The following AKAP6 variants were observed in gnomAD, a reference collection of about 807,000 sequenced individuals.
The protein encoded by AKAP6 is A-kinase anchoring protein 6, also known as A-kinase anchor protein 6.
Under a neutral mutation model 188.5 loss-of-function variants are expected in AKAP6, and 58 were observed. The observed-to-expected ratio is 0.31, with a 90% confidence interval of 0.25 to 0.38. The LOEUF is 0.38. AKAP6 is among the 10% of genes least tolerant of loss of function. The probability of loss-of-function intolerance (pLI) is 1.00; values close to 1 mark genes in which losing one functional copy is unlikely to be tolerated. For synonymous variants in AKAP6, 989 were observed against 998.6 expected, an observed-to-expected ratio of 0.99 and a Z score of 0.18; for missense variants, 2,710 against 2,740.0, an observed-to-expected ratio of 0.99 and a Z score of 0.24.
intron 1 of AKAP6, among the ~76,000 whole-genome samples, chr14:32,425,287 A>G (rs1242336507): frequency 2.0e-5 from 3 of 152,038 alleles, no homozygotes; most frequent in Admixed American, 6.6e-5. Context: ...CCACATGTAT[A>G]CCTTCTTTTG....
chr14:32,598,059 C>T (rs1885777639), intron 5 of AKAP6, among the ~76,000 whole-genome samples: 1 of 152,176 alleles, frequency 6.6e-6, no homozygotes, highest in African/African-American at 2.4e-5. Context: ...TATTGCCCAG[C>T]ACAGTGTATA....
chr14:32,525,976 T>C (rs1046856021), intron 2 of AKAP6, among the ~76,000 whole-genome samples: 1 of 152,256 alleles, frequency 6.6e-6, no homozygotes, highest in African/African-American at 2.4e-5. Context: ...CTACTGTTTA[T>C]AGAGTTCTTC....
intron 2 of AKAP6, among the ~76,000 whole-genome samples, chr14:32,517,115 T>C (rs1881564410): frequency 6.6e-6 from 1 of 152,206 alleles, no homozygotes; most frequent in South Asian, 2.1e-4. Flanking sequence ...GACCAGTTGG[T>C]TACCTTCTGA....
intron 1 of AKAP6, among the ~76,000 whole-genome samples, chr14:32,360,068 A>G (rs549465943): frequency 1.3e-5 from 2 of 152,240 alleles, no homozygotes; most frequent in South Asian, 4.1e-4. Context: ...TAAAAGCACC[A>G]TAGTCATTAG....
chr14:32,633,833 A>G (rs1373706172), intron 7 of AKAP6, among the ~76,000 whole-genome samples: 2 of 152,056 alleles, frequency 1.3e-5, no homozygotes, highest in East Asian at 3.9e-4. Context: ...TGTTTCCCCA[A>G]CCTCAGCAAA....
chr14:32,503,882 C>G lies in AKAP6; in HGVS notation c.325-31672C>G, dbSNP rs569719053. 2.5e-4 allele frequency among the ~76,000 whole-genome samples: 38 copies of G among 152,006 alleles called. 1 individual carries two copies. In the South Asian group the frequency reaches 7.5e-3, roughly 30 times the overall value. Reference sequence around the variant, plus strand: ...TGTCCATTTTTTTGTTAGAATCCAACTCTTTCCCATCCTACCTTTCAACCC... The same window carrying G: ...TGTCCATTTTTTTGTTAGAATCCAAGTCTTTCCCATCCTACCTTTCAACCC... On this transcript the variant is annotated intron_variant, in intron 2 of 13. Coordinates refer to ENST00000280979, the MANE Select transcript of AKAP6 (RefSeq NM_004274.5).
At chr14:32,410,054 T>C (rs1889431069) in intron 1 of AKAP6, among the ~76,000 whole-genome samples, 1 of 152,132 alleles carries the variant, frequency 6.6e-6, no homozygotes, top group African/African-American at 2.4e-5. Context: ...AAAATGTTTT[T>C]ACCCCAAATA....
Position 32,678,203 on chromosome 14 carries a change from G to A in AKAP6, c.2731-108G>A, listed in dbSNP as rs867280777. On this transcript the variant is annotated intron_variant, in intron 7 of 13. Coordinates refer to ENST00000280979, the MANE Select transcript of AKAP6 (RefSeq NM_004274.5). Reference sequence around the variant, plus strand: ...ATCCCATTAAATCCAACTCGAAAAGGAGCACTATAATGATGTGAAGAATTC... The same window carrying A: ...ATCCCATTAAATCCAACTCGAAAAGAAGCACTATAATGATGTGAAGAATTC... 3.9e-5 allele frequency: 44 copies of A among 1,141,856 alleles called. No individual in the cohort carries two copies. The Middle Eastern group carries it at 1.1e-3, about 27-fold the overall frequency. 70.7% of individuals were successfully genotyped at this position (1,141,856 alleles called of 1,614,324 possible).
At chr14:32,781,979 A>G (rs555839750) in intron 12 of AKAP6, among the ~76,000 whole-genome samples, 49 of 152,206 alleles carry the variant, frequency 3.2e-4, no homozygotes, top group Middle Eastern at 3.4e-3. Flanking sequence ...CCTGGTCAAC[A>G]TGGCGAAACC....
At chr14:32,357,276 T>C (rs17484233) in intron 1 of AKAP6, among the ~76,000 whole-genome samples, 11,456 of 152,250 alleles carry the variant, frequency 0.075, 534 homozygotes, top group Non-Finnish European at 0.085. Context: ...TGTAACGTAA[T>C]TGGACCTCTT....
intron 1 of AKAP6, among the ~76,000 whole-genome samples, chr14:32,345,063 A>G (rs1887024740): frequency 6.6e-6 from 1 of 152,098 alleles, no homozygotes; most frequent in African/African-American, 2.4e-5. Flanking sequence ...ATGAATATTT[A>G]TATATCAAAT....
intron 1 of AKAP6, among the ~76,000 whole-genome samples, chr14:32,387,328 G>C (rs1004537878): frequency 6.6e-6 from 1 of 151,974 alleles, no homozygotes; most frequent in Non-Finnish European, 1.5e-5. Context: ...CCAGTACTAT[G>C]TTGAAGAGAA....
chr14:32,691,706 G>A (rs1307917173), intron 8 of AKAP6, among the ~76,000 whole-genome samples: 1 of 151,996 alleles, frequency 6.6e-6, no homozygotes, highest in Non-Finnish European at 1.5e-5. Flanking sequence ...CTACAAGCAT[G>A]TGCCACCATG....
At chr14:32,757,987 T>C (rs1405636605) in intron 11 of AKAP6, among the ~76,000 whole-genome samples, 1 of 152,254 alleles carries the variant, frequency 6.6e-6, no homozygotes, top group African/African-American at 2.4e-5. Flanking sequence ...TGTGTGCTTA[T>C]TTGAATATTA....
rs973753983 is a variant in AKAP6 at position 32,568,867 on chromosome 14, A to AT, written c.2347-8246dup. Among the ~76,000 whole-genome samples the AT allele has an allele frequency of 1.3e-5, 2 of 152,052 alleles. No homozygotes were observed. The highest frequency in any genetic ancestry group is 2.9e-5 in the Non-Finnish European group (2 of 68,002). On this transcript the variant is annotated intron_variant, in intron 4 of 13. Transcript: ENST00000280979. This position sits in a 1 kb window ranked among gnomAD's most constrained non-coding sequence, Gnocchi z 6.2. ...CTATTGTTTGTTCCAGTTTATTCCC[A>AT]TTTTTTTATTTGTACCTATTTTTAT...
At chr14:32,450,457 C>T (rs919811061) in intron 2 of AKAP6, among the ~76,000 whole-genome samples, 7 of 152,104 alleles carry the variant, frequency 4.6e-5, no homozygotes, top group Admixed American at 2.0e-4. Flanking sequence ...AATATAGCCT[C>T]ACTTAACAAG....
intron 12 of AKAP6, among the ~76,000 whole-genome samples, chr14:32,821,193 A>G (rs1192681647): frequency 6.6e-6 from 1 of 152,216 alleles, no homozygotes; most frequent in East Asian, 1.9e-4. Context: ...TATTGCCTTC[A>G]GTAACAAATT....
Position 32,795,063 on chromosome 14 carries a change from A to C in AKAP6, c.3588+21170A>C, listed in dbSNP as rs187345513. The stretch of plus-strand genomic sequence containing the variant: ...AATGGATAAATTCCTGGACACATGC[A>C]CCCTCACAAGACTGAACCAGGAAGA... On this transcript the variant is annotated intron_variant, in intron 12 of 13. Coordinates refer to ENST00000280979, the MANE Select transcript of AKAP6 (RefSeq NM_004274.5). Among the ~76,000 whole-genome samples, 392 of 152,284 alleles carry C rather than the reference A, an allele frequency of 2.6e-3. 3 individuals are homozygous for C. Among genetic ancestry groups the C allele is most frequent in the African/African-American group, 9.1e-3 (377 of 41,560 alleles).
Position 32,655,819 on chromosome 14 carries a change from G to A in AKAP6, c.2731-22492G>A, listed in dbSNP as rs550885534. Among the ~76,000 whole-genome samples the A allele has an allele frequency of 3.3e-5, 5 of 152,208 alleles. No individual in the cohort carries two copies. In the East Asian group the frequency reaches 9.7e-4, roughly 29 times the overall value. Reference sequence around the variant, plus strand: ...TTAAAAGGAGATTAGGGTCAGACTGGGGAAAGCGTTTTTTACCAATCTAAC... The same window carrying A: ...TTAAAAGGAGATTAGGGTCAGACTGAGGAAAGCGTTTTTTACCAATCTAAC... On this transcript the variant is annotated intron_variant, in intron 7 of 13. Transcript: ENST00000280979.
Sources: gnomAD v4.1 joint callset for allele counts (sites outside exome capture counted in the v4.1 genomes callset) on GRCh38, gnomAD v4.1.1 for gene constraint, Gnocchi (gnomAD v3.1) non-coding constraint, MANE v1.5 for transcripts, NCBI Gene and HGNC (gene_info 2026-07-23, HGNC 2026-07-21) for gene names.